Variants in PPP1R12C observed in about 807,000 individuals in gnomAD.
PPP1R12C encodes the protein protein phosphatase 1 regulatory subunit 12C, also known as leukocyte receptor cluster (LRC) encoded novel gene 3.
PPP1R12C carries 48 observed loss-of-function variants against 95.6 expected under a neutral mutation model. The ratio of observed to expected loss-of-function variants is 0.50; its 90% CI spans 0.40 to 0.64. PPP1R12C has a LOEUF of 0.64. PPP1R12C is among the 30% of genes least tolerant of loss of function. PPP1R12C has a pLI of 0.00. For synonymous variants in PPP1R12C, 480 were observed against 460.8 expected (o/e 1.04, Z -0.53); for missense variants, 1,057 against 1,083.3 (o/e 0.98, Z 0.34).
Position 55,113,605 on chromosome 19 carries a change from G to A in PPP1R12C, c.322-810C>T, listed in dbSNP as rs2085121684. Reference sequence around the variant, plus strand: ...GGTGGGCTCCGGGACCTGAACTGGAGCTGAGGAAGGAGTGAAGCTAAACTC... The same window carrying A: ...GGTGGGCTCCGGGACCTGAACTGGAACTGAGGAAGGAGTGAAGCTAAACTC... On this transcript the variant is annotated intron_variant, in intron 1 of 21. Coordinates refer to ENST00000263433, the MANE Select transcript of PPP1R12C (RefSeq NM_017607.4). The A allele has an allele frequency of 3.9e-6, 5 of 1,285,634 alleles. No homozygotes were observed. The South Asian group carries it at 1.2e-4, about 30-fold the overall frequency. 79.6% of individuals were successfully genotyped at this position (1,285,634 alleles called of 1,614,324 possible).
intron 6 of PPP1R12C, among the ~76,000 whole-genome samples, chr19:55,098,545 A>G (rs1319339980): frequency 6.6e-6 from 1 of 152,246 alleles, no homozygotes; most frequent in Non-Finnish European, 1.5e-5. Context: ...AACCCTGTCC[A>G]AATCCTTCTG....
chr19:55,092,385 A>G (rs1483476310), intron 18 of PPP1R12C, 57 bp downstream of exon 18: 63 of 1,570,076 alleles, frequency 4.0e-5, no homozygotes, highest in Non-Finnish European at 4.8e-5. Context: ...GGGGGCGGGG[A>G]AGCCAGGAAG....
chr19:55,112,067 G>T, intron 3 of PPP1R12C: 1 of 174,740 alleles, frequency 5.7e-6, no homozygotes, highest in Non-Finnish European at 1.2e-5. Context: ...ACCAGTCCCT[G>T]GCAACCCCTG....
rs970804299 is a variant in PPP1R12C at position 55,090,998 on chromosome 19, G to A, written c.*474C>T. On this transcript the variant is annotated 3_prime_UTR_variant, in exon 22 of 22. Coordinates refer to ENST00000263433, the MANE Select transcript of PPP1R12C (RefSeq NM_017607.4). ...CTCCCCCTGCCCCAGACAGTGGGCG[G>A]GGAGGGGGCAGCAAAAAATAGAAGA... 2.3e-4 allele frequency: 36 copies of A among 158,454 alleles called. No homozygotes were observed. The highest frequency in any genetic ancestry group is 1.0e-3 in the Admixed American group (16 of 15,876). 9.8% of individuals were successfully genotyped at this position (158,454 alleles called of 1,614,324 possible).
chr19:55,111,405 G>T (rs1323447661), intron 3 of PPP1R12C: 1 of 152,168 alleles, frequency 6.6e-6, no homozygotes, highest in East Asian at 1.9e-4. Context: ...ACATGCTATT[G>T]CTTCAACTTT....
rs563582688 is a variant in PPP1R12C at position 55,106,110 on chromosome 19, C to T, written c.572-2542G>A. On this transcript the variant is annotated intron_variant, in intron 3 of 21. Transcript: ENST00000263433. Reference sequence around the variant, plus strand: ...TCACACACCATCCCTAGCAGTCTCCCGCTCCACAGCACTAGTGGAATAGTG... The same window carrying T: ...TCACACACCATCCCTAGCAGTCTCCTGCTCCACAGCACTAGTGGAATAGTG... Among the ~76,000 whole-genome samples, 6 of 152,228 alleles carry T rather than the reference C, an allele frequency of 3.9e-5. No individual in the cohort carries two copies. The South Asian group carries it at 6.2e-4, about 16-fold the overall frequency.
Position 55,103,406 on chromosome 19 carries a change from C to A in PPP1R12C, c.731+3G>T. On this transcript the variant is annotated splice_donor_region_variant and intron_variant, in intron 4 of 21. Transcript: ENST00000263433. The stretch of plus-strand genomic sequence containing the variant: ...CAAGATGGAACAGACTGGCCCAACT[C>A]ACCTCATCACCTCAATGTAGCCCTT... The A allele has an allele frequency of 6.7e-7, 1 of 1,495,764 alleles. No homozygotes were observed. The highest frequency in any genetic ancestry group is 9.0e-7 in the Non-Finnish European group (1 of 1,108,492). The allele number at this position is 1,495,764 out of a possible 1,614,324, so 92.7% of individuals were successfully genotyped here.
intron 3 of PPP1R12C, chr19:55,112,206 TC>T (rs1362981774): frequency 2.2e-5 from 1 of 44,742 alleles, no homozygotes; most frequent in African/African-American, 9.2e-5. Context: ...GGCATTCCAA[TC>T]CCCTCAGTTA....
chr19:55,106,451 A>T (rs910176845), intron 3 of PPP1R12C, among the ~76,000 whole-genome samples: 2 of 152,228 alleles, frequency 1.3e-5, no homozygotes, highest in African/African-American at 4.8e-5. Context: ...ACCAGGCAGA[A>T]ATCAGCTCCC....
In PPP1R12C at chr19:55,096,309, C is replaced by CTGGGAAGCTTCT. The variant is rs1247494165; in HGVS notation, c.966_977dup (p.Glu323_Gln326dup). The CTGGGAAGCTTCT allele has an allele frequency of 6.8e-6, 11 of 1,613,578 alleles. No individual in the cohort carries two copies. Among genetic ancestry groups the CTGGGAAGCTTCT allele is most frequent in the Non-Finnish European group, 8.5e-6 (10 of 1,179,930 alleles). ...GCGCTTGGGGCTCCTGGCCCCGGCT[C>CTGGGAAGCTTCT]TGGGAAGCTTCTTTTTGGTTCCGAA... On this transcript the variant is annotated inframe_insertion, in exon 7 of 22. Transcript: ENST00000263433.
chr19:55,112,486 C>T lies in PPP1R12C; in HGVS notation c.552G>A (p.Lys184=). 1 of 1,612,336 alleles carries T rather than the reference C, an allele frequency of 6.2e-7. No homozygotes were observed. Among genetic ancestry groups the T allele is most frequent in the African/African-American group, 1.3e-5 (1 of 75,028 alleles). The change falls in exon 3 of 22, where the codon AAG becomes AAA. Residue 184 remains lysine (K), a synonymous_variant. Transcript: ENST00000263433. ...AESDAMEGLL[K]AEIARRGVDV... ...GCCCACCTCGGCGGGCGATCTCCGC[C>T]TTCAGCAGCCCCTCCATGGCGTCCG...
intron 9 of PPP1R12C, 106 bp from the exon 10 acceptor site, chr19:55,095,709 C>G (rs1327323552): frequency 2.0e-6 from 3 of 1,508,434 alleles, no homozygotes; most frequent in African/African-American, 1.4e-5. Flanking sequence ...CATCAGCCCC[C>G]GGGGCAGGCA....
rs1263444544 is a variant in PPP1R12C, at chr19:55,109,670, A to C, written c.571+2797T>G. Among the ~76,000 whole-genome samples, 1 of 152,248 alleles carries C rather than the reference A, an allele frequency of 6.6e-6. No homozygotes were observed. Among genetic ancestry groups the C allele is most frequent in the Non-Finnish European group, 1.5e-5 (1 of 68,042 alleles). On this transcript the variant is annotated intron_variant, in intron 3 of 21. Coordinates refer to ENST00000263433, the MANE Select transcript of PPP1R12C (RefSeq NM_017607.4). This position sits in a 1 kb window ranked among gnomAD's most constrained non-coding sequence, Gnocchi z 4.4. ...GTCTTCTCTCCCAGCCCTGCCTGTGAGTGGCTGCCAGGGCCACACTATGGC... is the reference window on the plus strand; with the variant it reads ...GTCTTCTCTCCCAGCCCTGCCTGTGCGTGGCTGCCAGGGCCACACTATGGC...
chr19:55,094,407 C>A lies in PPP1R12C; in HGVS notation c.1621G>T (p.Glu541Ter), dbSNP rs1231326793. 14 of 1,613,950 alleles carry A rather than the reference C, an allele frequency of 8.7e-6. No individual in the cohort carries two copies. The South Asian group carries it at 1.4e-4, about 16-fold the overall frequency. ...RSYQMPVRDE[E>*]SESQRKARSR... is the part of the protein sequence containing the mutation. Reference sequence around the variant, plus strand: ...CGAGCTTTTCTCTGGGATTCCGACTCCTCATCCCGCACAGGCATCTGGTAG... The same window carrying A: ...CGAGCTTTTCTCTGGGATTCCGACTACTCATCCCGCACAGGCATCTGGTAG... The change falls in exon 13 of 22, where the codon GAG (glutamate) becomes TAG (stop). Residue 541 changes from glutamate (E) to a stop codon, truncating the protein, a stop_gained. Transcript: ENST00000263433. LOFTEE classifies it high-confidence loss of function.
intron 4 of PPP1R12C, among the ~76,000 whole-genome samples, chr19:55,099,913 T>C (rs1256920654): frequency 1.3e-5 from 2 of 152,200 alleles, no homozygotes; most frequent in East Asian, 3.8e-4. Context: ...AGAAAGAGCT[T>C]CACAAAGTGG....
intron 7 of PPP1R12C, 39 bp from the exon 8 acceptor site, chr19:55,096,217 G>A: frequency 6.2e-7 from 1 of 1,613,244 alleles, no homozygotes; most frequent in Non-Finnish European, 8.5e-7. Flanking sequence ...ACAAGCCCGG[G>A]GCCTCCAGCC....
chr19:55,098,914 C>T (rs766556767), intron 5 of PPP1R12C, 37 bp downstream of exon 5: 13 of 1,606,326 alleles, frequency 8.1e-6, no homozygotes, highest in Admixed American at 3.4e-5. Context: ...GCCCTCCCCA[C>T]GCCCTGCCCC....
In PPP1R12C at chr19:55,095,073, T is replaced by C. The variant is rs989666754; in HGVS notation, c.1454+218A>G. On this transcript the variant is annotated intron_variant, in intron 11 of 21. Coordinates refer to ENST00000263433, the MANE Select transcript of PPP1R12C (RefSeq NM_017607.4). Reference sequence around the variant, plus strand: ...GCCGTGGTGGCAGCAGGGTGGTCAGTGTGCACCTCGGGGTGGGGGGAAGAT... The same window carrying C: ...GCCGTGGTGGCAGCAGGGTGGTCAGCGTGCACCTCGGGGTGGGGGGAAGAT... 4.4e-6 allele frequency: 3 copies of C among 689,276 alleles called. No individual in the cohort carries two copies. In the African/African-American group the frequency reaches 5.4e-5, roughly 12 times the overall value. 42.7% of individuals were successfully genotyped at this position (689,276 alleles called of 1,614,324 possible).
Position 55,091,894 on chromosome 19 carries a change from C to T in PPP1R12C, c.2176G>A (p.Ala726Thr), listed in dbSNP as rs773125943. Reference protein sequence around the residue: ...ERATQRQERFAERPALLELER... With the variant: ...ERATQRQERFTERPALLELER... The stretch of plus-strand genomic sequence containing the variant: ...AGTTCCAGGAGGGCTGGCCTCTCAG[C>T]GAAGCGTTCTTGCCTCTGGTGAGGA... Residue 726 changes from alanine (A) to threonine (T), a missense_variant, in exon 20 of 22, where the codon GCT becomes ACT. Around this residue, in one of 5 missense-constraint regions of PPP1R12C, gnomAD observed 347 missense variants for 307.9 expected, o/e 1.13. Transcript: ENST00000263433. 1.9e-5 allele frequency: 30 copies of T among 1,613,162 alleles called. No homozygotes were observed. In the Admixed American group the frequency reaches 3.0e-4, roughly 16 times the overall value.
Sources: allele counts gnomAD v4.1 joint callset (sites outside exome capture counted in the v4.1 genomes callset), GRCh38; gene constraint gnomAD v4.1.1; regional missense constraint gnomAD v4.1.1; non-coding constraint Gnocchi (gnomAD v3.1); transcripts MANE v1.5; gene names NCBI Gene and HGNC (gene_info 2026-07-23, HGNC 2026-07-21).